Variants in ITGA8 observed in about 807,000 individuals in gnomAD.
The protein encoded by ITGA8 is integrin subunit alpha 8.
In ITGA8, 91 loss-of-function variants were observed where a neutral mutation model predicts 142.3. The ratio of observed to expected loss-of-function variants is 0.64; its 90% CI spans 0.54 to 0.76. ITGA8 has a LOEUF of 0.76. Ranked by LOEUF, ITGA8 falls within the 30% of genes least tolerant of loss-of-function variation. The pLI, the probability that ITGA8 is intolerant of heterozygous loss-of-function variation, is 0.00. For missense variants in ITGA8, 1,406 were observed against 1,327.7 expected, an observed-to-expected ratio of 1.06 and a Z score of -0.92; for synonymous variants, 505 against 485.2, an observed-to-expected ratio of 1.04 and a Z score of -0.54.
At chr10:15,687,356 GTAACTT>G (rs762164877) in intron 3 of ITGA8, among the ~76,000 whole-genome samples, 153 of 152,070 alleles carry the variant, frequency 1.0e-3, no homozygotes, top group Non-Finnish European at 1.7e-3. Context: ...TTTCTTCTCG[GTAACTT>G]AGACATGTAT....
chr10:15,530,627 T>A, intron 28 of ITGA8, among the ~76,000 whole-genome samples: 1 of 150,464 alleles, frequency 6.6e-6, no homozygotes, highest in East Asian at 2.0e-4. Context: ...AAAATGAAGG[T>A]TCTTTGCATA....
At chr10:15,572,184 A>G in intron 25 of ITGA8, 27 bp downstream of exon 25, 2 of 1,526,694 alleles carry the variant, frequency 1.3e-6, no homozygotes, top group Non-Finnish European at 1.8e-6. Flanking sequence ...AAAATCAACA[A>G]AGCCACTGAT....
At position 15,606,529 on chromosome 10, in the gene ITGA8, T is replaced by G. The variant is rs1833200543; in HGVS notation, c.1765-107A>C. 9.1e-6 allele frequency: 10 copies of G among 1,092,958 alleles called. No individual in the cohort carries two copies. In the Admixed American group the frequency reaches 2.1e-4, roughly 23 times the overall value. 67.7% of individuals were successfully genotyped at this position (1,092,958 alleles called of 1,614,324 possible). A position where few individuals can be genotyped will look rare whatever the true frequency, so the allele number is the denominator to read the frequency against. ...GAATTTACTCAATGAAAGTGAATGA[T>G]GAAACAATTATCTTTGCAGCAGGCT... On this transcript the variant is annotated intron_variant, in intron 17 of 29. Coordinates refer to ENST00000378076, the MANE Select transcript of ITGA8 (RefSeq NM_003638.3).
At chr10:15,530,878 C>G (rs1833276244) in intron 28 of ITGA8, among the ~76,000 whole-genome samples, 172 bp downstream of exon 28, 1 of 152,190 alleles carries the variant, frequency 6.6e-6, no homozygotes, top group South Asian at 2.1e-4. Flanking sequence ...GTTCAAAAAC[C>G]AGATCAAAAG....
Position 15,675,003 on chromosome 10 carries a change from A to G in ITGA8, c.677-2254T>C, listed in dbSNP as rs7081432. On this transcript the variant is annotated intron_variant, in intron 6 of 29. Transcript: ENST00000378076. The stretch of plus-strand genomic sequence containing the variant: ...TCTCAATGACTTTTAAACATGATCA[A>G]GTTTCTTCCATTAAAAAAATTCCTC... Among the ~76,000 whole-genome samples, 1,383 of 152,192 alleles carry G rather than the reference A, an allele frequency of 9.1e-3. 20 individuals are homozygous for G. Among genetic ancestry groups the G allele is most frequent in the South Asian group, 0.018 (85 of 4,812 alleles).
At chr10:15,628,464 C>T (rs1833627627) in intron 13 of ITGA8, among the ~76,000 whole-genome samples, 1 of 149,572 alleles carries the variant, frequency 6.7e-6, no homozygotes, top group Admixed American at 6.7e-5. Context: ...TCCCGAGTAG[C>T]TGGGACTACA....
chr10:15,645,935 T>C (rs566270711), intron 12 of ITGA8, among the ~76,000 whole-genome samples: 2 of 152,308 alleles, frequency 1.3e-5, no homozygotes, highest in South Asian at 2.1e-4. Flanking sequence ...GTTGCAAATA[T>C]TGAAACTAAG....
At chr10:15,686,514 G>T (rs1001451842) in intron 3 of ITGA8, among the ~76,000 whole-genome samples, 13 of 152,162 alleles carry the variant, frequency 8.5e-5, no homozygotes, top group African/African-American at 3.1e-4. Flanking sequence ...GCTCTAAAAA[G>T]TTACTCTTTC....
rs1400289227 is a variant in ITGA8 at position 15,572,335 on chromosome 10, G to T, written c.2513C>A (p.Thr838Asn). 1 of 1,614,074 alleles carries T rather than the reference G, an allele frequency of 6.2e-7. No individual in the cohort carries two copies. The highest frequency in any genetic ancestry group is 1.1e-5 in the South Asian group (1 of 91,074). The change falls in exon 25 of 30, where the codon ACC (threonine) becomes AAC (asparagine). Residue 838 changes from threonine (T) to asparagine (N), a missense_variant. Transcript: ENST00000378076. ...HNIGPSTISD[T>N]ILEVGWPFSA... ...GAAAGGCCAGCCCACCTCCAGGATG[G>T]TGTCACTGATGGTACTTGGTCCAAT...
At chr10:15,558,624 G>T (rs1317232875) in intron 25 of ITGA8, among the ~76,000 whole-genome samples, 1 of 152,180 alleles carries the variant, frequency 6.6e-6, no homozygotes, top group Non-Finnish European at 1.5e-5. Flanking sequence ...ACAGAATAGT[G>T]AGGTGCCAAC....
intron 2 of ITGA8, among the ~76,000 whole-genome samples, chr10:15,700,697 C>T (rs920458005): frequency 1.3e-5 from 2 of 152,116 alleles, no homozygotes; most frequent in Admixed American, 6.6e-5. Context: ...CCAGAATCTA[C>T]AAAGAACTCG....
chr10:15,684,920 G>T (rs1225260107), intron 3 of ITGA8, among the ~76,000 whole-genome samples: 1 of 152,018 alleles, frequency 6.6e-6, no homozygotes, highest in Admixed American at 6.6e-5. Context: ...GTTTTGTGAC[G>T]CCCCCTAGTT....
chr10:15,591,186 A>G (rs1588662399), intron 22 of ITGA8, among the ~76,000 whole-genome samples: 1 of 152,058 alleles, frequency 6.6e-6, no homozygotes, highest in South Asian at 2.1e-4. Context: ...TTGAGACTCA[A>G]ATTGTGGATA....
At position 15,655,327 on chromosome 10, in the gene ITGA8, G is replaced by A. The variant is rs777799580; in HGVS notation, c.1001+27C>T. 6.4e-6 allele frequency: 9 copies of A among 1,403,152 alleles called. No homozygotes were observed. In the Admixed American group the frequency reaches 1.0e-4, roughly 16 times the overall value. The allele number at this position is 1,403,152 out of a possible 1,614,324, so 86.9% of individuals were successfully genotyped here. The stretch of plus-strand genomic sequence containing the variant: ...TCTTTATGGATGAATGTAATATATT[G>A]TATATGAGAGAGGTCTATAAACTTA... On this transcript the variant is annotated intron_variant, in intron 11 of 29. Coordinates refer to ENST00000378076, the MANE Select transcript of ITGA8 (RefSeq NM_003638.3).
chr10:15,659,974 G>A (rs1334906247), intron 9 of ITGA8, among the ~76,000 whole-genome samples: 5 of 152,158 alleles, frequency 3.3e-5, no homozygotes, highest in Admixed American at 2.0e-4. Flanking sequence ...ATAAATTTAT[G>A]TTGTTTGAAG....
chr10:15,638,677 T>C (rs573619620), intron 13 of ITGA8, among the ~76,000 whole-genome samples: 1 of 152,238 alleles, frequency 6.6e-6, no homozygotes, highest in Non-Finnish European at 1.5e-5. Context: ...TTGACTTGTT[T>C]CCATTTAGCA....
chr10:15,647,860 T>C (rs1834016044), intron 11 of ITGA8, among the ~76,000 whole-genome samples: 1 of 152,246 alleles, frequency 6.6e-6, no homozygotes, highest in Admixed American at 6.5e-5. Flanking sequence ...TAGAGAGGTA[T>C]ATCAAGCTGG....
At chr10:15,693,998 ATGT>A (rs769919955) in intron 2 of ITGA8, among the ~76,000 whole-genome samples, 14 of 151,298 alleles carry the variant, frequency 9.3e-5, no homozygotes, top group Non-Finnish European at 1.6e-4. Context: ...TGGGATGTTG[ATGT>A]TGTACTACAG....
chr10:15,693,732 T>G (rs1159865376), intron 2 of ITGA8, among the ~76,000 whole-genome samples: 2 of 152,210 alleles, frequency 1.3e-5, no homozygotes, highest in Non-Finnish European at 2.9e-5. Context: ...AAAATGAGGC[T>G]GAGAATATAT....
Sources: gnomAD v4.1 joint callset for allele counts (sites outside exome capture counted in the v4.1 genomes callset) on GRCh38, gnomAD v4.1.1 for gene constraint, MANE v1.5 for transcripts, NCBI Gene and HGNC (gene_info 2026-07-23, HGNC 2026-07-21) for gene names.